GPR35: variants seen among roughly 807,000 people sequenced by gnomAD.
GPR35 encodes G protein-coupled receptor 35.
For missense variants in GPR35, 372 were observed against 422.5 expected, an observed-to-expected ratio of 0.88 and a Z score of 1.05; for synonymous variants, 207 against 198.4, an observed-to-expected ratio of 1.04 and a Z score of -0.36.
chr2:240,618,243 A>C (rs1014608576), intron 4 of GPR35, among the ~76,000 whole-genome samples: 9 of 152,250 alleles, frequency 5.9e-5, no homozygotes, highest in African/African-American at 1.9e-4. Flanking sequence ...CCTGTAACAC[A>C]CACAATATTT....
intron 2 of GPR35, among the ~76,000 whole-genome samples, chr2:240,607,771 C>T (rs2043149196): frequency 6.6e-6 from 1 of 151,668 alleles, no homozygotes; most frequent in South Asian, 2.1e-4. Flanking sequence ...TCTTTTTCTC[C>T]CGACTCCCCG....
chr2:240,609,296 A>G (rs1286770450), intron 2 of GPR35, among the ~76,000 whole-genome samples: 1 of 152,056 alleles, frequency 6.6e-6, no homozygotes, highest in Non-Finnish European at 1.5e-5. Context: ...TCAAAGTGGA[A>G]TCTTAGGTAA....
chr2:240,615,248 C>G (rs936557221), intron 2 of GPR35, among the ~76,000 whole-genome samples: 1 of 152,294 alleles, frequency 6.6e-6, no homozygotes, highest in African/African-American at 2.4e-5. Context: ...TGCCCTCCTG[C>G]TCAGATGGTG....
rs754538522 is a variant in GPR35 at position 240,630,571 on chromosome 2, G to A, written c.619G>A (p.Gly207Arg). ...GGCCCAGAGGCCACCCACCGACGTG[G>A]GGCAGGCAGAGGCCACCCGCAAGGC... ...ALAQRPPTDV[G>R]QAEATRKAAR... The change falls in exon 2 of 2, where the codon GGG (glycine) becomes AGG (arginine). Residue 207 changes from glycine to arginine, a missense_variant. Gly to Arg is a moderately radical substitution (Grantham distance 125). Coordinates refer to ENST00000407714, the MANE Select transcript of GPR35 (RefSeq NM_005301.5). The A allele has an allele frequency of 6.2e-7, 1 of 1,612,786 alleles. No homozygotes were observed. Among genetic ancestry groups the A allele is most frequent in the East Asian group, 2.2e-5 (1 of 44,870 alleles).
intron 4 of GPR35, among the ~76,000 whole-genome samples, chr2:240,617,978 G>C (rs1340856094): frequency 2.0e-5 from 3 of 152,180 alleles, no homozygotes; most frequent in Non-Finnish European, 4.4e-5. Flanking sequence ...CAAGAGAAAT[G>C]GTACTTAGAG....
In GPR35 at chr2:240,630,338, C is replaced by T. The variant is rs1327014986; in HGVS notation, c.386C>T (p.Ser129Phe). The T allele has an allele frequency of 6.3e-7, 1 of 1,598,582 alleles. No individual in the cohort carries two copies. Among genetic ancestry groups the T allele is most frequent in the Non-Finnish European group, 8.5e-7 (1 of 1,175,434 alleles). ...RHPLRARGLR[S>F]PRQAAAVCAV... ...CCGCTGCGTGCCCGCGGGCTGCGGT[C>T]CCCCAGGCAGGCTGCGGCCGTGTGC... The change falls in exon 2 of 2, where the codon TCC (serine) becomes TTC (phenylalanine). Residue 129 changes from serine (S) to phenylalanine (F), a missense_variant. Physicochemically the swap from Ser to Phe is radical, Grantham distance 155 (BLOSUM62 -2). Coordinates refer to ENST00000407714, the MANE Select transcript of GPR35 (RefSeq NM_005301.5).
At chr2:240,624,618 C>A (rs1296271161), upstream of GPR35, among the ~76,000 whole-genome samples, 3 of 152,160 alleles carry the variant, frequency 2.0e-5, no homozygotes, top group African/African-American at 7.2e-5. Flanking sequence ...GAAACTGAAG[C>A]TCTCCCCAGC....
chr2:240,612,245 A>G (rs1324633529), intron 2 of GPR35, among the ~76,000 whole-genome samples: 1 of 151,426 alleles, frequency 6.6e-6, no homozygotes, highest in Non-Finnish European at 1.5e-5. Flanking sequence ...CCTGGCTAGC[A>G]CAGTGAAACC....
Position 240,628,929 on chromosome 2 carries a change from T to C in GPR35, c.-4-1020T>C, listed in dbSNP as rs561935260. On this transcript the variant is annotated intron_variant, in intron 1 of 1. Transcript: ENST00000407714. ...CTGGGCGCTCACCAGCAGCTCCGTC[T>C]CACACCTGCCTGCGTGTGACACCAG... 3.3e-5 allele frequency: 5 copies of C among 152,360 alleles called. No homozygotes were observed. The East Asian group carries it at 9.7e-4, about 30-fold the overall frequency. 9.4% of individuals were successfully genotyped at this position (152,360 alleles called of 1,614,324 possible).
At chr2:240,624,013 G>T (rs887841690), upstream of GPR35, among the ~76,000 whole-genome samples, 1 of 151,918 alleles carries the variant, frequency 6.6e-6, no homozygotes, top group Non-Finnish European at 1.5e-5. Context: ...TGGTGGTGGG[G>T]GGGGTGGGGG....
At chr2:240,622,900 G>A (rs1248771491), upstream of GPR35, among the ~76,000 whole-genome samples, 3 of 152,258 alleles carry the variant, frequency 2.0e-5, no homozygotes, top group Non-Finnish European at 4.4e-5. Context: ...GACCCTGGCT[G>A]CCAGTTCTCC....
chr2:240,623,628 G>C (rs566915781), upstream of GPR35, among the ~76,000 whole-genome samples: 1 of 152,168 alleles, frequency 6.6e-6, no homozygotes, highest in Non-Finnish European at 1.5e-5. Flanking sequence ...GGCAGAGCAC[G>C]AGGGCCCAGG....
At chr2:240,617,051 G>T (rs1302491420) in intron 3 of GPR35, 5 of 728,852 alleles carry the variant, frequency 6.9e-6, no homozygotes, top group East Asian at 2.6e-5. Context: ...CTGACACCTG[G>T]ATTGCAGACT....
chr2:240,613,747 G>C (rs1010421443), intron 2 of GPR35, among the ~76,000 whole-genome samples: 1 of 150,396 alleles, frequency 6.6e-6, no homozygotes, highest in African/African-American at 2.5e-5. Flanking sequence ...ATATGGACCC[G>C]AACCCTAACC....
upstream of GPR35, among the ~76,000 whole-genome samples, chr2:240,622,172 G>A (rs781015505): frequency 3.9e-5 from 6 of 152,168 alleles, no homozygotes; most frequent in African/African-American, 7.2e-5. Flanking sequence ...GAGCCACCGC[G>A]TCCGGCCAAG....
intron 2 of GPR35, chr2:240,606,707 G>A (rs1358824627): frequency 6.6e-6 from 1 of 152,286 alleles, no homozygotes; most frequent in Non-Finnish European, 1.5e-5. Context: ...CCAAGGGCAG[G>A]AAAGGGGCTG....
chr2:240,625,380 G>A, upstream of GPR35: 1 of 985,510 alleles, frequency 1.0e-6, no homozygotes, highest in Non-Finnish European at 1.2e-6. Flanking sequence ...GGGAACTCCT[G>A]TTACCCCTGA....
At chr2:240,614,952 TTA>T (rs1200031407) in intron 2 of GPR35, among the ~76,000 whole-genome samples, 2 of 152,010 alleles carry the variant, frequency 1.3e-5, no homozygotes, top group South Asian at 2.1e-4. Context: ...GTATGCATGT[TTA>T]TGTGTGTATT....
intron 2 of GPR35, among the ~76,000 whole-genome samples, chr2:240,615,091 C>G (rs80287065): frequency 0.013 from 1,917 of 151,326 alleles, 17 homozygotes; most frequent in Non-Finnish European, 0.019. Context: ...TTACATGTGT[C>G]TGTGTGTGTA....
Sources: allele counts gnomAD v4.1 joint callset (sites outside exome capture counted in the v4.1 genomes callset), GRCh38; gene constraint gnomAD v4.1.1; transcripts MANE v1.5; gene names NCBI Gene and HGNC (gene_info 2026-07-23, HGNC 2026-07-21).